The following EVI5 variants were observed in gnomAD, a reference collection of about 807,000 sequenced individuals.
EVI5 encodes the protein ecotropic viral integration site 5 protein homolog.
EVI5 carries 73 observed loss-of-function variants against 112.0 expected under a neutral mutation model. That is an observed-to-expected ratio of 0.65 (90% CI 0.54 to 0.79). The LOEUF (loss-of-function observed/expected upper bound fraction) is 0.79, where lower values mean the gene tolerates loss of function less well. Ranked by LOEUF, EVI5 falls within the 30% of genes least tolerant of loss-of-function variation. EVI5 has a pLI of 0.00. For synonymous variants in EVI5, 305 were observed against 319.9 expected, an observed-to-expected ratio of 0.95 and a Z score of 0.50; for missense variants, 900 against 968.8, an observed-to-expected ratio of 0.93 and a Z score of 0.94.
In EVI5 at chr1:92,662,799, T is replaced by A. The variant is rs1051854873; in HGVS notation, c.1312A>T (p.Lys438Ter). ...GCACTGGCCTCATCACTCTGCTGTTTGATGGTGGCCAACTCCCGTTTTATG... is the reference window on the plus strand; with the variant it reads ...GCACTGGCCTCATCACTCTGCTGTTAGATGGTGGCCAACTCCCGTTTTATG... ...YLIKRELATI[K>*]QQSDEASAKL... The change falls in exon 13 of 20, where the codon AAA (lysine) becomes TAA (stop). Residue 438 changes from lysine to a stop codon, truncating the protein, a stop_gained. Coordinates refer to ENST00000684568, the MANE Select transcript of EVI5 (RefSeq NM_001350197.2). LOFTEE classifies it high-confidence loss of function. The A allele has an allele frequency of 2.3e-6, 3 of 1,289,488 alleles. No homozygotes were observed. Among genetic ancestry groups the A allele is most frequent in the Middle Eastern group, 2.1e-4 (1 of 4,690 alleles). The allele number at this position is 1,289,488 out of a possible 1,614,324, so 79.9% of individuals were successfully genotyped here.
At position 92,694,217 on chromosome 1, in the gene EVI5, A is replaced by G. The variant is rs994912224; in HGVS notation, c.999+82T>C. On this transcript the variant is annotated intron_variant, in intron 8 of 19. Transcript: ENST00000684568. ...GAGGCAGAGGTTGCAGTGAGCCAAG[A>G]TCACGCCACTGCACTCCAGCCTGGG... The G allele has an allele frequency of 1.7e-5, 13 of 785,834 alleles. No homozygotes were observed. In the East Asian group the frequency reaches 3.1e-4, roughly 19 times the overall value. 48.7% of individuals were successfully genotyped at this position (785,834 alleles called of 1,614,324 possible). A position where few individuals can be genotyped will look rare whatever the true frequency, so the allele number is the denominator to read the frequency against.
chr1:92,767,737 T>C (rs754839500), intron 1 of EVI5, among the ~76,000 whole-genome samples: 1 of 152,244 alleles, frequency 6.6e-6, no homozygotes, highest in Non-Finnish European at 1.5e-5. Context: ...GCAATAATTC[T>C]AATGCTTTAC....
At chr1:92,660,540 C>T (rs563608410) in intron 13 of EVI5, among the ~76,000 whole-genome samples, 24 of 151,990 alleles carry the variant, frequency 1.6e-4, no homozygotes, top group African/African-American at 5.8e-4. Flanking sequence ...TTAACAATAA[C>T]GTATTGTATA....
intron 9 of EVI5, among the ~76,000 whole-genome samples, chr1:92,683,721 G>C (rs982430298): frequency 2.0e-5 from 3 of 152,206 alleles, no homozygotes; most frequent in Non-Finnish European, 4.4e-5. Context: ...TAAATGACCT[G>C]ATGGAGCTGA....
rs180801202 is a variant in EVI5, at chr1:92,644,855, T to C, written c.1393-8519A>G. 1.3e-4 allele frequency among the ~76,000 whole-genome samples: 20 copies of C among 152,330 alleles called. No homozygotes were observed. The East Asian group carries it at 3.3e-3, about 25-fold the overall frequency. On this transcript the variant is annotated intron_variant, in intron 13 of 19. Transcript: ENST00000684568. ...CTATTATTAATTTCTAATTGAATGA[T>C]ATTAGAGTCAGAGAAGATCCTTTGT...
At chr1:92,620,967 T>C (rs945983407) in intron 16 of EVI5, among the ~76,000 whole-genome samples, 1 of 152,104 alleles carries the variant, frequency 6.6e-6, no homozygotes, top group Non-Finnish European at 1.5e-5. Flanking sequence ...CACACTGTTG[T>C]AAGAGCCTTA....
At chr1:92,596,981 A>G (rs923813689) in intron 18 of EVI5, among the ~76,000 whole-genome samples, 8 of 152,198 alleles carry the variant, frequency 5.3e-5, no homozygotes, top group Non-Finnish European at 7.3e-5. Flanking sequence ...AACACTTTAC[A>G]TGAGTTTTCT....
At position 92,584,627 on chromosome 1, in the gene EVI5, G is replaced by A. The variant is rs894239473; in HGVS notation, c.2070+20680C>T. On this transcript the variant is annotated intron_variant, in intron 18 of 19. Coordinates refer to ENST00000684568, the MANE Select transcript of EVI5 (RefSeq NM_001350197.2). Reference sequence around the variant, plus strand: ...GCGGTAGCCTCTCCATGACTTCAAGGTGACTCATTTGAAACTTCTAAAAAC... The same window carrying A: ...GCGGTAGCCTCTCCATGACTTCAAGATGACTCATTTGAAACTTCTAAAAAC... Among the ~76,000 whole-genome samples the A allele has an allele frequency of 4.8e-4, 73 of 152,104 alleles. 1 individual carries two copies. Among genetic ancestry groups the A allele is most frequent in the Admixed American group, 1.3e-4 (2 of 15,278 alleles).
intron 14 of EVI5, among the ~76,000 whole-genome samples, chr1:92,630,136 A>G (rs944616090): frequency 2.0e-5 from 3 of 152,192 alleles, no homozygotes; most frequent in Non-Finnish European, 4.4e-5. Context: ...ATACGTGTGC[A>G]TGTGTCCTTA....
At chr1:92,670,684 G>C (rs1292011417) in intron 10 of EVI5, among the ~76,000 whole-genome samples, 1 of 151,848 alleles carries the variant, frequency 6.6e-6, no homozygotes, top group African/African-American at 2.4e-5. Context: ...TATCCCCCTA[G>C]GTCACTATTT....
chr1:92,563,757 CA>C lies in EVI5; in HGVS notation c.2071-21del. The stretch of plus-strand genomic sequence containing the variant: ...TTCTTTCTGTTTTGTGACAAAACAA[CA>C]AAGCAAAAACAAGAGGCAATTTTTC... On this transcript the variant is annotated intron_variant, in intron 18 of 19. Transcript: ENST00000684568. The C allele has an allele frequency of 6.5e-7, 1 of 1,536,238 alleles. No individual in the cohort carries two copies. Among genetic ancestry groups the C allele is most frequent in the Non-Finnish European group, 9.0e-7 (1 of 1,115,398 alleles).
At chr1:92,673,440 TC>T (rs1666207007) in intron 10 of EVI5, among the ~76,000 whole-genome samples, 1 of 152,084 alleles carries the variant, frequency 6.6e-6, no homozygotes, top group South Asian at 2.1e-4. Flanking sequence ...AAAGTTTTTT[TC>T]CTTTTTAAAG....
chr1:92,585,039 C>T (rs1231331860), intron 18 of EVI5, among the ~76,000 whole-genome samples: 1 of 151,950 alleles, frequency 6.6e-6, no homozygotes, highest in Non-Finnish European at 1.5e-5. Flanking sequence ...GTTTGGCCAA[C>T]GTGGTGAAAC....
intron 9 of EVI5, among the ~76,000 whole-genome samples, chr1:92,687,199 C>T (rs1668700984): frequency 6.6e-6 from 1 of 152,136 alleles, no homozygotes; most frequent in South Asian, 2.1e-4. Context: ...GATATATAGA[C>T]CAATGGAACA....
chr1:92,670,857 A>G (rs1309325492), intron 10 of EVI5, among the ~76,000 whole-genome samples: 1 of 152,102 alleles, frequency 6.6e-6, no homozygotes, highest in Non-Finnish European at 1.5e-5. Flanking sequence ...TTGCCCATAT[A>G]TTTTGATTTC....
chr1:92,552,666 T>C (rs1451836321), intron 19 of EVI5, among the ~76,000 whole-genome samples: 1 of 152,240 alleles, frequency 6.6e-6, no homozygotes, highest in African/African-American at 2.4e-5. Context: ...ATCCCTTGTT[T>C]TACGTTGATT....
intron 9 of EVI5, among the ~76,000 whole-genome samples, chr1:92,682,107 C>T (rs1208416699): frequency 6.6e-6 from 1 of 152,090 alleles, no homozygotes; most frequent in Admixed American, 6.6e-5. Context: ...CCACTGTGCC[C>T]GGCCTCTCAC....
chr1:92,572,762 G>A (rs1174348503), intron 18 of EVI5, among the ~76,000 whole-genome samples: 1 of 151,934 alleles, frequency 6.6e-6, no homozygotes, highest in African/African-American at 2.4e-5. Flanking sequence ...TGTTCAAATA[G>A]TGTGACTCAC....
intron 9 of EVI5, among the ~76,000 whole-genome samples, chr1:92,693,566 C>T (rs772378399): frequency 2.2e-4 from 34 of 151,904 alleles, no homozygotes; most frequent in Non-Finnish European, 3.8e-4. Flanking sequence ...TATGTATATC[C>T]ATTCCAGGCT....
Sources: allele counts gnomAD v4.1 joint callset (sites outside exome capture counted in the v4.1 genomes callset), GRCh38; gene constraint gnomAD v4.1.1; transcripts MANE v1.5; gene names NCBI Gene and HGNC (gene_info 2026-07-23, HGNC 2026-07-21).